BAHCC1: variants seen among roughly 807,000 people sequenced by gnomAD.
BAHCC1 encodes the protein BAH domain and coiled-coil containing 1.
In BAHCC1, 43 loss-of-function variants were observed where a neutral mutation model predicts 88.2. That is an observed-to-expected ratio of 0.49 (90% CI 0.38 to 0.63). The LOEUF (loss-of-function observed/expected upper bound fraction) is 0.63. Among genes scored for constraint, BAHCC1 ranks in the 20% least tolerant of loss-of-function variants. The probability of loss-of-function intolerance (pLI) is 0.00; values close to 1 mark genes in which losing one functional copy is unlikely to be tolerated. For synonymous variants in BAHCC1, 1,510 were observed against 745.5 expected (o/e 2.03, Z -16.71); for missense variants, 3,023 against 1,654.8 (o/e 1.83, Z -14.34).
intron 2 of BAHCC1, among the ~76,000 whole-genome samples, chr17:81,412,229 C>T (rs1246688291): frequency 6.6e-6 from 1 of 152,238 alleles, no homozygotes; most frequent in Non-Finnish European, 1.5e-5. Context: ...GCCTTGTGGG[C>T]AGTTTTCCTG....
At chr17:81,446,588 G>A (rs947497852) in intron 10 of BAHCC1, 5 of 149,664 alleles carry the variant, frequency 3.3e-5, no homozygotes, top group East Asian at 4.2e-4. Flanking sequence ...TCCCTATGTC[G>A]CCCAGTCTGG....
intron 14 of BAHCC1, 53 bp from the exon 15 acceptor site, chr17:81,455,214 G>T: frequency 1.4e-6 from 1 of 699,966 alleles, no homozygotes; most frequent in Non-Finnish European, 2.6e-6. Flanking sequence ...GGGGGACAAG[G>T]CTGGGGCGGC....
rs529634352 is a variant in BAHCC1, at chr17:81,455,387, C to T, written c.4566C>T (p.Ser1522=). 3.5e-5 allele frequency: 25 copies of T among 715,904 alleles called. No homozygotes were observed. Among genetic ancestry groups the T allele is most frequent in the Admixed American group, 3.2e-4 (16 of 50,010 alleles). 44.3% of individuals were successfully genotyped at this position (715,904 alleles called of 1,614,324 possible). A position where few individuals can be genotyped will look rare whatever the true frequency, so the allele number is the denominator to read the frequency against. ...TCTATGCGGGCCTGCAGACTGCCTC[C>T]GTGGTGAGTGCCGAGGCGCCCGCCT... is the stretch of plus-strand genomic sequence containing the variant. ...RSVYAGLQTA[S]VEKAQCKKSS... is the part of the protein sequence containing the mutation. The change falls in exon 15 of 28, where the codon TCC becomes TCT. Residue 1522 remains serine, a synonymous_variant. Transcript: ENST00000675386.
At chr17:81,454,932 C>T (rs1021817339) in intron 14 of BAHCC1, among the ~76,000 whole-genome samples, 7 of 152,336 alleles carry the variant, frequency 4.6e-5, no homozygotes, top group Admixed American at 1.3e-4. Flanking sequence ...ACTGCCAGGG[C>T]GTTCCTTCCT....
At position 81,451,685 on chromosome 17, in the gene BAHCC1, C is replaced by T. The variant is rs142993901; in HGVS notation, c.3994C>T (p.Leu1332=). The change falls in exon 12 of 28, where the codon CTA becomes TTA. Residue 1332 remains leucine (L), a synonymous_variant. Coordinates refer to ENST00000675386, the MANE Select transcript of BAHCC1 (RefSeq NM_001377448.1). ...RTVPEEEEDV[L]AFNLQHLATL... Reference sequence around the variant, plus strand: ...CCGCACAGAGGAGGAAGAGGACGTGCTAGCCTTCAACCTGCAGCACCTGGC... The same window carrying T: ...CCGCACAGAGGAGGAAGAGGACGTGTTAGCCTTCAACCTGCAGCACCTGGC... 4.8e-5 allele frequency: 37 copies of T among 776,744 alleles called. No individual in the cohort carries two copies. The East Asian group carries it at 6.1e-4, about 13-fold the overall frequency. The allele number at this position is 776,744 out of a possible 1,614,324, so 48.1% of individuals were successfully genotyped here.
Position 81,462,985 on chromosome 17 carries a change from C to G in BAHCC1, c.7620+9C>G. The G allele has an allele frequency of 1.3e-6, 1 of 778,598 alleles. No homozygotes were observed. Among genetic ancestry groups the G allele is most frequent in the Non-Finnish European group, 2.4e-6 (1 of 417,418 alleles). The allele number at this position is 778,598 out of a possible 1,614,324, so 48.2% of individuals were successfully genotyped here. ...GGCAGTGCGACGGCAAGGTGAGGCC[C>G]GGACAGGTGTGGGGCCCAGCCCCCC... On this transcript the variant is annotated intron_variant, in intron 27 of 27. Coordinates refer to ENST00000675386, the MANE Select transcript of BAHCC1 (RefSeq NM_001377448.1).
chr17:81,462,195 C>G, intron 26 of BAHCC1, 149 bp downstream of exon 26: 1 of 592,802 alleles, frequency 1.7e-6, no homozygotes, highest in South Asian at 2.0e-5. Context: ...AGAACAAAGA[C>G]CCATCCATGA....
chr17:81,458,053 G>A (rs1383878878), intron 17 of BAHCC1, 112 bp from the exon 18 acceptor site: 104 of 646,988 alleles, frequency 1.6e-4, no homozygotes, highest in South Asian at 7.9e-4. Context: ...TGGGTAACCC[G>A]GGGGCGGGCA....
At chr17:81,397,254 G>A (rs1555645050) in intron 1 of BAHCC1, 1 of 152,214 alleles carries the variant, frequency 6.6e-6, no homozygotes, top group Non-Finnish European at 1.5e-5. Context: ...AAGTCGAGCA[G>A]GCTGGTGAGA....
At chr17:81,433,187 A>T (rs1286719257) in intron 3 of BAHCC1, among the ~76,000 whole-genome samples, 1 of 151,812 alleles carries the variant, frequency 6.6e-6, no homozygotes. Flanking sequence ...TGGGCACTCC[A>T]GCTCCAAGAA....
chr17:81,399,384 GCGCCCCGGCCC>G lies in BAHCC1; in HGVS notation c.-206-145_-206-135del, dbSNP rs1461620062. 5.7e-3 allele frequency: 799 copies of G among 139,260 alleles called. 4 individuals carry two copies. Among genetic ancestry groups the G allele is most frequent in the Non-Finnish European group, 9.1e-3 (584 of 63,876 alleles). The allele number at this position is 139,260 out of a possible 1,614,324, so 8.6% of individuals were successfully genotyped here. On this transcript the variant is annotated intron_variant, in intron 1 of 27. Coordinates refer to ENST00000675386, the MANE Select transcript of BAHCC1 (RefSeq NM_001377448.1). This position sits in a 1 kb window ranked among gnomAD's most constrained non-coding sequence, Gnocchi z 4.5. ...CGCGCGTGCGGCGGGGAGACACCGA[GCGCCCCGGCCC>G]CGCCACCCGGCCTGGCCGCCGCTCG...
chr17:81,445,904 G>A (rs2064518345), intron 10 of BAHCC1, among the ~76,000 whole-genome samples: 1 of 152,276 alleles, frequency 6.6e-6, no homozygotes, highest in Non-Finnish European at 1.5e-5. Context: ...CCTGGCCGTG[G>A]GCTGACGAAG....
Position 81,461,221 on chromosome 17 carries a change from T to C in BAHCC1, c.6558T>C (p.Ala2186=), listed in dbSNP as rs1190070727. The change falls in exon 26 of 28, where the codon GCT becomes GCC. Residue 2186 remains alanine, a synonymous_variant. Coordinates refer to ENST00000675386, the MANE Select transcript of BAHCC1 (RefSeq NM_001377448.1). ...GGGGAGCCCACAAGCTGCTGCGGGC[T>C]AAGAAGGCCGAGAGGGTGGAGGCCG... is the stretch of plus-strand genomic sequence containing the variant. The part of the protein sequence containing the change: ...LPRGAHKLLR[A]KKAERVEAEK... The C allele has an allele frequency of 2.8e-6, 2 of 720,742 alleles. No homozygotes were observed. Among genetic ancestry groups the C allele is most frequent in the Non-Finnish European group, 5.1e-6 (2 of 392,454 alleles). 44.6% of individuals were successfully genotyped at this position (720,742 alleles called of 1,614,324 possible). A position where few individuals can be genotyped will look rare whatever the true frequency, so the allele number is the denominator to read the frequency against.
At chr17:81,404,136 C>T (rs2063851758) in intron 2 of BAHCC1, among the ~76,000 whole-genome samples, 1 of 152,178 alleles carries the variant, frequency 6.6e-6, no homozygotes, top group Non-Finnish European at 1.5e-5. Context: ...ACAGACAGGA[C>T]AAAATGCATA....
At chr17:81,460,823 G>T (rs116265312) in intron 25 of BAHCC1, 43 bp from the exon 26 acceptor site, 4 of 767,782 alleles carry the variant, frequency 5.2e-6, no homozygotes, top group Admixed American at 1.7e-5. Flanking sequence ...AGGCAGCTTT[G>T]TGGGCCCAGC....
At chr17:81,408,042 C>T (rs62072955) in intron 2 of BAHCC1, among the ~76,000 whole-genome samples, 2,019 of 152,336 alleles carry the variant, frequency 0.013, 20 homozygotes, top group Non-Finnish European at 0.02. Context: ...ATCCACATGA[C>T]CCTCTGTGGC....
At position 81,461,255 on chromosome 17, in the gene BAHCC1, G is replaced by A. The variant is rs1464907862; in HGVS notation, c.6592G>A (p.Gly2198Arg). The change falls in exon 26 of 28, where the codon GGG becomes AGG. Residue 2198 changes from glycine (G) to arginine (R), a missense_variant. Physicochemically the swap from Gly to Arg is moderately radical, Grantham distance 125. Transcript: ENST00000675386. Reference sequence around the variant, plus strand: ...CGAGAGGGTGGAGGCCGAGAAGGGTGGGCGGCGGCGGGCGGGCGGTGAGTT... The same window carrying A: ...CGAGAGGGTGGAGGCCGAGAAGGGTAGGCGGCGGCGGGCGGGCGGTGAGTT... ...KAERVEAEKGGRRRAGGEFLV... is the reference protein window; with the variant it reads ...KAERVEAEKGRRRRAGGEFLV... 2 of 696,690 alleles carry A rather than the reference G, an allele frequency of 2.9e-6. No individual in the cohort carries two copies. The highest frequency in any genetic ancestry group is 1.6e-5 in the South Asian group (1 of 64,042). The allele number at this position is 696,690 out of a possible 1,614,324, so 43.2% of individuals were successfully genotyped here. A position where few individuals can be genotyped will look rare whatever the true frequency, so the allele number is the denominator to read the frequency against.
chr17:81,432,160 C>T (rs1464158140), intron 3 of BAHCC1, among the ~76,000 whole-genome samples: 3 of 152,196 alleles, frequency 2.0e-5, no homozygotes, highest in South Asian at 2.1e-4. Flanking sequence ...TGTCCTGCAG[C>T]GGCTGTCCAC....
rs1465290611 is a variant in BAHCC1, at chr17:81,434,717, G to T, written c.359-3653G>T. On this transcript the variant is annotated intron_variant, in intron 3 of 27. Transcript: ENST00000675386. This position sits in a 1 kb window ranked among gnomAD's most constrained non-coding sequence, Gnocchi z 4.9. ...CAGGAGCAGCCCCTGGTTTTCCACG[G>T]CAGGGATGCTCCCTGGAAGGGCAGC... Among the ~76,000 whole-genome samples, 1 of 152,086 alleles carries T rather than the reference G, an allele frequency of 6.6e-6. No homozygotes were observed. Among genetic ancestry groups the T allele is most frequent in the African/African-American group, 2.4e-5 (1 of 41,396 alleles).
Sources: allele counts gnomAD v4.1 joint callset (sites outside exome capture counted in the v4.1 genomes callset), GRCh38; gene constraint gnomAD v4.1.1; non-coding constraint Gnocchi (gnomAD v3.1); transcripts MANE v1.5; gene names NCBI Gene and HGNC (gene_info 2026-07-23, HGNC 2026-07-21).